KCNJ6: variants seen among roughly 807,000 people sequenced by gnomAD.
KCNJ6 encodes the protein potassium inwardly rectifying channel subfamily J member 6.
In KCNJ6, 9 loss-of-function variants were observed where a neutral mutation model predicts 34.2. The ratio of observed to expected loss-of-function variants is 0.26; its 90% CI spans 0.16 to 0.46. The LOEUF (loss-of-function observed/expected upper bound fraction) is 0.46. Ranked by LOEUF, KCNJ6 falls within the 20% of genes least tolerant of loss-of-function variation. The pLI is 1.00. For missense variants in KCNJ6, 236 were observed against 531.3 expected (o/e 0.44, Z 5.46); for synonymous variants, 196 against 207.1 (o/e 0.95, Z 0.46).
At chr21:37,636,172 G>A (rs1401182712) in intron 3 of KCNJ6, among the ~76,000 whole-genome samples, 1 of 152,124 alleles carries the variant, frequency 6.6e-6, no homozygotes, top group Non-Finnish European at 1.5e-5. Context: ...GTCCTCAATG[G>A]ATTGGATGGT....
At chr21:37,883,167 T>C (rs1028824898) in intron 1 of KCNJ6, among the ~76,000 whole-genome samples, 5 of 152,242 alleles carry the variant, frequency 3.3e-5, no homozygotes, top group African/African-American at 1.2e-4. Flanking sequence ...CACCTCCTTA[T>C]GCCTTTGGCA....
intron 2 of KCNJ6, among the ~76,000 whole-genome samples, chr21:37,716,461 C>A (rs1032494616): frequency 6.6e-6 from 1 of 151,554 alleles, no homozygotes; most frequent in South Asian, 2.1e-4. Context: ...CTCTCTGCAG[C>A]CTTGATCTCC....
At chr21:37,662,267 T>G (rs1409890082) in intron 3 of KCNJ6, among the ~76,000 whole-genome samples, 1 of 152,128 alleles carries the variant, frequency 6.6e-6, no homozygotes, top group African/African-American at 2.4e-5. Context: ...TCCCCATCCC[T>G]GACAGGCCTG....
chr21:37,863,393 C>T (rs770827055), intron 1 of KCNJ6, among the ~76,000 whole-genome samples: 3 of 152,126 alleles, frequency 2.0e-5, no homozygotes, highest in Non-Finnish European at 4.4e-5. Context: ...GGGTATCGCA[C>T]AGGTACCAAC....
chr21:37,700,501 C>T (rs920770206), intron 3 of KCNJ6, among the ~76,000 whole-genome samples: 17 of 152,212 alleles, frequency 1.1e-4, no homozygotes, highest in African/African-American at 3.4e-4. Flanking sequence ...ATCTCTGAAC[C>T]GGGGAGTTGA....
chr21:37,811,962 C>T (rs1601483481), intron 2 of KCNJ6, among the ~76,000 whole-genome samples: 1 of 152,108 alleles, frequency 6.6e-6, no homozygotes, highest in South Asian at 2.1e-4. Flanking sequence ...AGATAAGTTG[C>T]AACACTGCCA....
intron 3 of KCNJ6, among the ~76,000 whole-genome samples, chr21:37,670,243 T>C (rs1339659935): frequency 1.3e-5 from 2 of 152,208 alleles, no homozygotes; most frequent in Non-Finnish European, 2.9e-5. Context: ...ATGCCTTATA[T>C]TCAGTCACTG....
intron 2 of KCNJ6, among the ~76,000 whole-genome samples, chr21:37,807,503 C>A (rs2055299408): frequency 2.0e-5 from 3 of 152,346 alleles, no homozygotes; most frequent in South Asian, 4.1e-4. Context: ...CGATGGACGA[C>A]AGTGGTCCCG....
At chr21:37,880,019 GA>G (rs2055699436) in intron 1 of KCNJ6, among the ~76,000 whole-genome samples, 1 of 151,618 alleles carries the variant, frequency 6.6e-6, no homozygotes, top group Non-Finnish European at 1.5e-5. Flanking sequence ...AGCACTTTGG[GA>G]AGCTGAGGCA....
rs939086476 is a variant in KCNJ6, at chr21:37,613,943, C to T, written c.*11216G>A. 1 of 142,170 alleles carries T rather than the reference C, an allele frequency of 7.0e-6. No homozygotes were observed. The highest frequency in any genetic ancestry group is 1.6e-5 in the Non-Finnish European group (1 of 63,018). The allele number at this position is 142,170 out of a possible 1,614,324, so 8.8% of individuals were successfully genotyped here. ...GTCTCAGTGTAGACTCATCCATTTC[C>T]ACAGATGTACCATTGTGGTTTGGCA... On this transcript the variant is annotated 3_prime_UTR_variant, in exon 4 of 4. Transcript: ENST00000609713.
intron 2 of KCNJ6, among the ~76,000 whole-genome samples, chr21:37,736,457 C>T (rs1471187360): frequency 6.6e-6 from 1 of 152,160 alleles, no homozygotes; most frequent in East Asian, 1.9e-4. Flanking sequence ...CATCAATGTA[C>T]TAAATGCCTC....
intron 2 of KCNJ6, among the ~76,000 whole-genome samples, chr21:37,828,651 C>T (rs974144953): frequency 2.0e-5 from 3 of 152,226 alleles, no homozygotes; most frequent in South Asian, 2.1e-4. Flanking sequence ...CATGGCTCTG[C>T]GTGGCAGGCT....
At chr21:37,768,290 G>A (rs2055101050) in intron 2 of KCNJ6, among the ~76,000 whole-genome samples, 1 of 152,104 alleles carries the variant, frequency 6.6e-6, no homozygotes, top group Non-Finnish European at 1.5e-5. Context: ...TGGGGCATTC[G>A]TGGGACCCTT....
intron 2 of KCNJ6, among the ~76,000 whole-genome samples, chr21:37,763,390 CCT>C (rs554083841): frequency 2.4e-4 from 37 of 152,336 alleles, no homozygotes; most frequent in African/African-American, 8.2e-4. Flanking sequence ...CTTCCTTTCT[CCT>C]CTCTTACTTC....
chr21:37,851,218 A>G (rs2055535902), intron 1 of KCNJ6, among the ~76,000 whole-genome samples: 1 of 152,124 alleles, frequency 6.6e-6, no homozygotes, highest in African/African-American at 2.4e-5. Flanking sequence ...TCAAAACAGG[A>G]TACTATCCCT....
intron 3 of KCNJ6, among the ~76,000 whole-genome samples, chr21:37,651,322 C>T (rs183614744): frequency 6.6e-6 from 1 of 152,248 alleles, no homozygotes; most frequent in African/African-American, 2.4e-5. Flanking sequence ...GCCTGTCGGC[C>T]ACATCAATAA....
chr21:37,762,373 G>A (rs916026499), intron 2 of KCNJ6, among the ~76,000 whole-genome samples: 2 of 152,192 alleles, frequency 1.3e-5, no homozygotes, highest in Admixed American at 1.3e-4. Flanking sequence ...AAGGGATGTG[G>A]ATGAACAGGT....
At chr21:37,859,514 T>A (rs1601505214) in intron 1 of KCNJ6, among the ~76,000 whole-genome samples, 2 of 69,778 alleles carry the variant, frequency 2.9e-5, no homozygotes, top group South Asian at 5.7e-4. Context: ...TATATATATA[T>A]ATATATATAT....
chr21:37,842,161 C>A (rs528752670), intron 1 of KCNJ6, among the ~76,000 whole-genome samples: 2 of 152,178 alleles, frequency 1.3e-5, no homozygotes, highest in South Asian at 4.1e-4. Context: ...CTTTTGTTTA[C>A]GGACAACTGT....
Sources: allele counts gnomAD v4.1 joint callset (sites outside exome capture counted in the v4.1 genomes callset), GRCh38; gene constraint gnomAD v4.1.1; transcripts MANE v1.5; gene names NCBI Gene and HGNC (gene_info 2026-07-23, HGNC 2026-07-21).